Variants in VDAC1 observed in about 807,000 individuals in gnomAD.
VDAC1 encodes non-selective voltage-gated ion channel VDAC1.
A neutral mutation model predicts 34.7 loss-of-function variants in VDAC1; 10 were observed. The observed-to-expected ratio is 0.29, with a 90% CI of 0.18 to 0.49. The LOEUF is 0.49. Among genes scored for constraint, VDAC1 ranks in the 20% least tolerant of loss-of-function variants. VDAC1 has a pLI of 0.99. For synonymous variants in VDAC1, 130 were observed against 136.0 expected (o/e 0.96, Z 0.30); for missense variants, 230 against 347.9 (o/e 0.66, Z 2.69).
chr5:133,983,464 G>T (rs1038793694), intron 5 of VDAC1, among the ~76,000 whole-genome samples: 1 of 152,002 alleles, frequency 6.6e-6, no homozygotes, highest in South Asian at 2.1e-4. Context: ...GCCACAGGTT[G>T]GTAACTATCA....
chr5:134,012,245 A>G, the VDAC1 span, among the ~76,000 whole-genome samples: 1 of 152,124 alleles, frequency 6.6e-6, no homozygotes, highest in Non-Finnish European at 1.5e-5. Context: ...ATTTTAGCCC[A>G]GAGAGACTGA....
At chr5:134,060,274 C>G in the VDAC1 span, among the ~76,000 whole-genome samples, 1 of 151,968 alleles carries the variant, frequency 6.6e-6, no homozygotes, top group African/African-American at 2.4e-5. Context: ...ATGCGCTGCA[C>G]GCACCTCATC....
chr5:134,073,743 CA>C, the VDAC1 span, among the ~76,000 whole-genome samples: 1 of 152,230 alleles, frequency 6.6e-6, no homozygotes, highest in South Asian at 2.1e-4. Context: ...CATTGATGTG[CA>C]AAGATCTCCA....
chr5:134,043,654 C>A, the VDAC1 span, among the ~76,000 whole-genome samples: 1 of 152,054 alleles, frequency 6.6e-6, no homozygotes, highest in Non-Finnish European at 1.5e-5. Context: ...ACCTCAGCCT[C>A]CTGAGTAGCT....
the VDAC1 span, among the ~76,000 whole-genome samples, chr5:134,070,485 C>T: frequency 7.1e-6 from 1 of 141,280 alleles, no homozygotes; most frequent in Admixed American, 6.7e-5. Context: ...TTTTTAAATA[C>T]ATGATTATGG....
chr5:134,070,543 C>T, the VDAC1 span, among the ~76,000 whole-genome samples: 1 of 152,168 alleles, frequency 6.6e-6, no homozygotes. Flanking sequence ...TCACAGTCAT[C>T]CTTTAATCCC....
At chr5:134,022,738 G>C in the VDAC1 span, among the ~76,000 whole-genome samples, 1 of 152,202 alleles carries the variant, frequency 6.6e-6, no homozygotes, top group African/African-American at 2.4e-5. Flanking sequence ...GACTTCATCA[G>C]TTTCTTATAA....
the VDAC1 span, among the ~76,000 whole-genome samples, chr5:134,012,106 G>A: frequency 4.6e-5 from 7 of 152,230 alleles, no homozygotes; most frequent in East Asian, 5.8e-4. Flanking sequence ...ATGCTACACC[G>A]CTAGCTCTGA....
intron 5 of VDAC1, 45 bp from the exon 6 acceptor site, chr5:133,981,001 T>A (rs1447973155): frequency 6.5e-7 from 1 of 1,528,634 alleles, no homozygotes. Context: ...TAACTCACCT[T>A]GAAATGCAAG....
At chr5:134,056,434 ATTTTTT>A in the VDAC1 span, among the ~76,000 whole-genome samples, 5 of 118,684 alleles carry the variant, frequency 4.2e-5, no homozygotes, top group African/African-American at 9.9e-5. Flanking sequence ...GCTGCACTGA[ATTTTTT>A]TTTTTTTTTT....
At chr5:134,053,426 A>G in the VDAC1 span, among the ~76,000 whole-genome samples, 3 of 152,192 alleles carry the variant, frequency 2.0e-5, no homozygotes, top group African/African-American at 7.2e-5. Context: ...CAATGGACCC[A>G]TTGCCCAACC....
At chr5:134,023,167 C>A in the VDAC1 span, among the ~76,000 whole-genome samples, 1 of 152,112 alleles carries the variant, frequency 6.6e-6, no homozygotes, top group Non-Finnish European at 1.5e-5. Context: ...GAGTTCATGT[C>A]CTTTGCAGGG....
upstream of VDAC1, among the ~76,000 whole-genome samples, chr5:134,006,141 G>A (rs1439700572): frequency 2.6e-5 from 4 of 152,138 alleles, no homozygotes; most frequent in Non-Finnish European, 5.9e-5. Flanking sequence ...GCTGGGGGAG[G>A]GGTGACTGGG....
the VDAC1 span, among the ~76,000 whole-genome samples, chr5:134,105,860 G>C: frequency 6.6e-6 from 1 of 152,216 alleles, no homozygotes; most frequent in East Asian, 1.9e-4. Context: ...CTCTTTCTAG[G>C]ACCCCATGAT....
chr5:134,055,588 GTTTTTTTTTTTTTT>G, the VDAC1 span, among the ~76,000 whole-genome samples: 4 of 59,616 alleles, frequency 6.7e-5, no homozygotes, highest in South Asian at 1.0e-3. Flanking sequence ...CCCCGCTAAT[GTTTTTTTTTTTTTT>G]TTTTTTTTTT....
At chr5:134,014,691 C>T in the VDAC1 span, among the ~76,000 whole-genome samples, 6 of 152,118 alleles carry the variant, frequency 3.9e-5, no homozygotes. Context: ...CATAGTGAAA[C>T]CCCGTCTCTA....
At chr5:134,091,479 C>A in the VDAC1 span, among the ~76,000 whole-genome samples, 7 of 152,146 alleles carry the variant, frequency 4.6e-5, no homozygotes, top group South Asian at 1.5e-3. Context: ...GGATGTCGAT[C>A]GATGGGGACA....
chr5:134,063,455 T>G, the VDAC1 span, among the ~76,000 whole-genome samples: 13 of 152,232 alleles, frequency 8.5e-5, no homozygotes, highest in East Asian at 1.9e-4. Flanking sequence ...TTCAGTGATT[T>G]GCTTTGGCCA....
the VDAC1 span, among the ~76,000 whole-genome samples, chr5:134,077,107 T>C: frequency 1.8e-4 from 28 of 151,882 alleles, no homozygotes; most frequent in Admixed American, 6.6e-4. Flanking sequence ...GGCGAAACCG[T>C]CTCTATTAAA....
Sources: allele counts gnomAD v4.1 joint callset (sites outside exome capture counted in the v4.1 genomes callset), GRCh38; gene constraint gnomAD v4.1.1; transcripts MANE v1.5; gene names NCBI Gene and HGNC (gene_info 2026-07-23, HGNC 2026-07-21).